Variants in EIF4G3 observed in about 807,000 individuals in gnomAD.
EIF4G3 encodes the protein eukaryotic translation initiation factor 4 gamma 3.
EIF4G3 carries 34 observed loss-of-function variants against 186.4 expected under a neutral mutation model. The ratio of observed to expected loss-of-function variants is 0.18; its 90% confidence interval spans 0.14 to 0.24. The LOEUF (loss-of-function observed/expected upper bound fraction) is 0.24. Ranked by LOEUF, EIF4G3 falls within the 10% of genes least tolerant of loss-of-function variation. The pLI, the probability that EIF4G3 is intolerant of heterozygous loss-of-function variation, is 1.00. For missense variants in EIF4G3, 1,536 were observed against 1,948.5 expected, an observed-to-expected ratio of 0.79 and a Z score of 3.99; for synonymous variants, 673 against 679.5, an observed-to-expected ratio of 0.99 and a Z score of 0.15.
At position 21,176,159 on chromosome 1, in the gene EIF4G3, A is replaced by G; in HGVS notation, c.-272+16T>C. On this transcript the variant is annotated intron_variant, in intron 2 of 36. Transcript: ENST00000602326. ...CGACGAGAACCGAAGGGCCGACAGG[A>G]AGGTGAAAAGGATACTGTTGGGGCG... 1 of 389,698 alleles carries G rather than the reference A, an allele frequency of 2.6e-6. No individual in the cohort carries two copies. Among genetic ancestry groups the G allele is most frequent in the Non-Finnish European group, 4.5e-6 (1 of 220,838 alleles). 24.1% of individuals were successfully genotyped at this position (389,698 alleles called of 1,614,324 possible). A position where few individuals can be genotyped will look rare whatever the true frequency, so the allele number is the denominator to read the frequency against.
In EIF4G3 at chr1:20,865,155, G is replaced by C. The variant is rs1242351657; in HGVS notation, c.2730C>G (p.Val910=). ...CAAGTTCTTTCTGCTTCTTCTCAAA[G>C]ACATCATCATCTGCTTTATCTTTTT... ...EFEKDKADDD[V]FEKKQKELEA... is the part of the protein sequence containing the mutation. The change falls in exon 21 of 37, where the codon GTC becomes GTG. Residue 910 remains valine, a synonymous_variant. Transcript: ENST00000602326. 1.9e-6 allele frequency: 3 copies of C among 1,613,908 alleles called. No homozygotes were observed. The highest frequency in any genetic ancestry group is 2.5e-6 in the Non-Finnish European group (3 of 1,180,004).
rs770111438 is a variant in EIF4G3, at chr1:20,973,098, T to A, written c.495A>T (p.Gly165=). ...CCGGCTGACTTGGGTAAAAAGGCGT[T>A]CCTAAAAAGTTGGAAAAAATTAAAT... ...PGPGDFPNAY[G]TPFYPSQPVY... is the part of the protein sequence containing the mutation. Residue 165 remains glycine (G), a splice_region_variant and synonymous_variant, in exon 11 of 37, where the codon GGA becomes GGT. Coordinates refer to ENST00000602326, the MANE Select transcript of EIF4G3 (RefSeq NM_001391906.1). 5.2e-5 allele frequency: 84 copies of A among 1,607,164 alleles called. 2 individuals are homozygous for A. In the South Asian group the frequency reaches 9.3e-4, roughly 18 times the overall value.
chr1:21,083,157 C>T (rs988789479), intron 3 of EIF4G3, among the ~76,000 whole-genome samples: 4 of 149,874 alleles, frequency 2.7e-5, no homozygotes, highest in Admixed American at 2.0e-4. Flanking sequence ...AGGAGGTTCA[C>T]TTGAACTCAG....
rs559417634 is a variant in EIF4G3 at position 21,083,612 on chromosome 1, C to T, written c.-196+5526G>A. 2.0e-5 allele frequency among the ~76,000 whole-genome samples: 3 copies of T among 152,114 alleles called. No individual in the cohort carries two copies. In the East Asian group the frequency reaches 5.8e-4, roughly 29 times the overall value. ...GTGCTGGGATTACACGTTTGAGCCA[C>T]CATGCCTGGTCTCGATTTTTTAAAA... is the stretch of plus-strand genomic sequence containing the variant. On this transcript the variant is annotated intron_variant, in intron 3 of 36. Coordinates refer to ENST00000602326, the MANE Select transcript of EIF4G3 (RefSeq NM_001391906.1).
intron 14 of EIF4G3, among the ~76,000 whole-genome samples, chr1:20,912,537 A>G (rs2093369869): frequency 6.6e-6 from 1 of 152,180 alleles, no homozygotes; most frequent in African/African-American, 2.4e-5. Context: ...TTGAAGTGAC[A>G]CAAAACTGAG....
chr1:21,155,283 A>AG (rs998833707), intron 2 of EIF4G3, among the ~76,000 whole-genome samples: 9 of 150,540 alleles, frequency 6.0e-5, no homozygotes, highest in African/African-American at 1.2e-4. Flanking sequence ...AAAAAAAAAA[A>AG]AAAGAAAGAA....
At chr1:21,068,772 T>C (rs2095351309) in intron 3 of EIF4G3, among the ~76,000 whole-genome samples, 1 of 152,202 alleles carries the variant, frequency 6.6e-6, no homozygotes, top group Non-Finnish European at 1.5e-5. Context: ...AAGTGTTACT[T>C]ATAGTAATAA....
intron 33 of EIF4G3, among the ~76,000 whole-genome samples, chr1:20,822,975 G>A (rs1328649745): frequency 6.6e-6 from 1 of 152,064 alleles, no homozygotes; most frequent in Non-Finnish European, 1.5e-5. Context: ...TCAGCACTCT[G>A]AGATTATTCT....
chr1:21,043,547 T>C (rs2093693357), intron 4 of EIF4G3, among the ~76,000 whole-genome samples: 1 of 152,138 alleles, frequency 6.6e-6, no homozygotes, highest in Non-Finnish European at 1.5e-5. Context: ...ATCAAACATA[T>C]AAAAGCTGCT....
chr1:20,841,707 A>G (rs1446364297), intron 29 of EIF4G3, among the ~76,000 whole-genome samples: 3 of 152,248 alleles, frequency 2.0e-5, no homozygotes, highest in Non-Finnish European at 2.9e-5. Context: ...CCAAGTCAAT[A>G]TCTTTGGTCT....
chr1:20,987,437 T>C (rs958938737), intron 7 of EIF4G3, among the ~76,000 whole-genome samples: 1 of 152,256 alleles, frequency 6.6e-6, no homozygotes, highest in Non-Finnish European at 1.5e-5. Context: ...TGAAAGTTTG[T>C]GAAATCCTTG....
intron 14 of EIF4G3, among the ~76,000 whole-genome samples, chr1:20,922,024 T>A (rs1182996570): frequency 1.3e-5 from 2 of 152,218 alleles, no homozygotes; most frequent in African/African-American, 2.4e-5. Flanking sequence ...ACTCAAGTAT[T>A]TTTGCAGCAT....
intron 4 of EIF4G3, among the ~76,000 whole-genome samples, chr1:21,043,375 T>C (rs1467530413): frequency 2.0e-5 from 3 of 152,188 alleles, no homozygotes; most frequent in Admixed American, 6.5e-5. Context: ...GTTCCAGCCA[T>C]GTGAATTTGC....
chr1:21,093,194 C>T (rs1427781621), intron 2 of EIF4G3, among the ~76,000 whole-genome samples: 1 of 152,146 alleles, frequency 6.6e-6, no homozygotes, highest in Non-Finnish European at 1.5e-5. Flanking sequence ...ATTTTGCAAT[C>T]TACTCATCTG....
At chr1:20,919,170 G>A (rs1346262536) in intron 14 of EIF4G3, among the ~76,000 whole-genome samples, 1 of 151,850 alleles carries the variant, frequency 6.6e-6, no homozygotes, top group Non-Finnish European at 1.5e-5. Context: ...TATACATATT[G>A]TCTTTTGATT....
chr1:21,021,351 T>C, intron 4 of EIF4G3, among the ~76,000 whole-genome samples: 1 of 152,156 alleles, frequency 6.6e-6, no homozygotes, highest in East Asian at 1.9e-4. Flanking sequence ...GTTTACATGC[T>C]ACAAATGCTG....
chr1:20,817,681 GTTTTTTTT>G, intron 33 of EIF4G3, 143 bp from the exon 34 acceptor site: 8 of 148,336 alleles, frequency 5.4e-5, no homozygotes, highest in South Asian at 3.6e-4. Context: ...TATGTTTGTA[GTTTTTTTT>G]TTTTTTTTTT....
At chr1:21,111,193 C>A in intron 2 of EIF4G3, 5 of 383,804 alleles carry the variant, frequency 1.3e-5, no homozygotes, top group South Asian at 8.0e-5. Flanking sequence ...ACAAAATGAA[C>A]AATTTCTGTT....
intron 19 of EIF4G3, among the ~76,000 whole-genome samples, chr1:20,884,758 T>C (rs998804342): frequency 2.0e-5 from 3 of 152,138 alleles, no homozygotes; most frequent in Non-Finnish European, 2.9e-5. Context: ...AGTTGTTGGA[T>C]TGCCTCATCT....
Sources: gnomAD v4.1 joint callset for allele counts (sites outside exome capture counted in the v4.1 genomes callset) on GRCh38, gnomAD v4.1.1 for gene constraint, MANE v1.5 for transcripts, NCBI Gene and HGNC (gene_info 2026-07-23, HGNC 2026-07-21) for gene names.